Variants in RAD51AP2 observed in about 807,000 individuals in gnomAD.
RAD51AP2 encodes RAD51-associated protein 2.
In RAD51AP2, 67 loss-of-function variants were observed where a neutral mutation model predicts 85.5. The observed-to-expected ratio is 0.78, with a 90% CI of 0.64 to 0.96. The LOEUF is 0.96. Among genes scored for constraint, RAD51AP2 ranks in the 40% least tolerant of loss-of-function variants. The probability of loss-of-function intolerance (pLI) is 0.00; values close to 1 mark genes in which losing one functional copy is unlikely to be tolerated. For missense variants in RAD51AP2, 1,307 were observed against 1,332.4 expected, an observed-to-expected ratio of 0.98 and a Z score of 0.30; for synonymous variants, 474 against 446.5, an observed-to-expected ratio of 1.06 and a Z score of -0.78.
chr2:17,522,264 C>G (rs1267907971), upstream of RAD51AP2, among the ~76,000 whole-genome samples: 1 of 151,974 alleles, frequency 6.6e-6, no homozygotes, highest in Non-Finnish European at 1.5e-5. Flanking sequence ...AACTTACTTT[C>G]CTGCAGCACT....
Position 17,515,587 on chromosome 2 carries a change from A to G in RAD51AP2, c.2829T>C (p.Phe943=). Residue 943 remains phenylalanine (F), a synonymous_variant, in exon 1 of 3, where the codon TTT becomes TTC. Coordinates refer to ENST00000399080, the MANE Select transcript of RAD51AP2 (RefSeq NM_001099218.3). ...ATAAATATTTAGCAGCTAAGTCCTG[A>G]AAACATTCATCATTCCCTTCACTCA... is the stretch of plus-strand genomic sequence containing the variant. ...TGLSEGNDEC[F]QDLAAKYLST... The G allele has an allele frequency of 6.2e-7, 1 of 1,610,122 alleles. No individual in the cohort carries two copies. Among genetic ancestry groups the G allele is most frequent in the Middle Eastern group, 1.7e-4 (1 of 6,046 alleles).
intron 1 of RAD51AP2, among the ~76,000 whole-genome samples, chr2:17,514,831 G>A (rs565354748): frequency 6.6e-6 from 1 of 151,926 alleles, no homozygotes; most frequent in Admixed American, 6.5e-5. Flanking sequence ...CGAGAGCAAA[G>A]GCAGTCTGAG....
chr2:17,525,235 G>A, the RAD51AP2 span, among the ~76,000 whole-genome samples: 3 of 151,940 alleles, frequency 2.0e-5, no homozygotes, highest in Admixed American at 2.0e-4. Flanking sequence ...TGTATCCCAG[G>A]ATTTCTCTAA....
chr2:17,535,844 T>C, the RAD51AP2 span, among the ~76,000 whole-genome samples: 4 of 150,546 alleles, frequency 2.7e-5, no homozygotes, highest in African/African-American at 9.8e-5. Flanking sequence ...AATGTTTGGA[T>C]TTAAGAACAC....
At chr2:17,522,421 C>A (rs559757649), upstream of RAD51AP2, among the ~76,000 whole-genome samples, 3 of 152,078 alleles carry the variant, frequency 2.0e-5, no homozygotes, top group African/African-American at 7.2e-5. Context: ...TCTTTAGACC[C>A]CTACAGTTTT....
the RAD51AP2 span, among the ~76,000 whole-genome samples, chr2:17,524,490 C>T: frequency 3.0e-4 from 45 of 152,046 alleles, no homozygotes; most frequent in South Asian, 9.1e-3. Flanking sequence ...TGTCCAAAAG[C>T]TGAGTCTTAA....
the RAD51AP2 span, among the ~76,000 whole-genome samples, chr2:17,532,087 A>G: frequency 2.0e-5 from 3 of 152,184 alleles, no homozygotes; most frequent in African/African-American, 7.2e-5. Context: ...AACTCTTTCT[A>G]TTATCGCACT....
Position 17,515,976 on chromosome 2 carries a change from C to T in RAD51AP2, c.2440G>A (p.Val814Ile). 2 of 1,611,314 alleles carry T rather than the reference C, an allele frequency of 1.2e-6. No homozygotes were observed. The highest frequency in any genetic ancestry group is 1.7e-6 in the Non-Finnish European group (2 of 1,179,374). Residue 814 changes from valine to isoleucine, a missense_variant, in exon 1 of 3, where the codon GTA becomes ATA. Val to Ile is a conservative substitution (Grantham distance 29). Transcript: ENST00000399080. ...CTTAGCAAGTTCCAAAAATTTAGTA[C>T]TTGAGTTATAGAAGTGGTATGGGTC... The part of the protein sequence containing the change: ...EETHTTSITQ[V>I]LNFWNLLSEI...
In RAD51AP2 at chr2:17,514,027, A is replaced by G. The variant is rs928571294; in HGVS notation, c.3313T>C (p.Tyr1105His). Residue 1105 changes from tyrosine (Y) to histidine (H), a missense_variant, in exon 2 of 3, where the codon TAT becomes CAT. Physicochemically the swap from Tyr to His is moderately conservative, Grantham distance 83. Coordinates refer to ENST00000399080, the MANE Select transcript of RAD51AP2 (RefSeq NM_001099218.3). ...ACAATGTTACCTCCTCTCAATAAATAATTAAATTCTTCTTTACATTCATCA... is the reference window on the plus strand; with the variant it reads ...ACAATGTTACCTCCTCTCAATAAATGATTAAATTCTTCTTTACATTCATCA... ...LPDECKEEFN[Y>H]LLRGGSHFPH... 1.3e-6 allele frequency: 2 copies of G among 1,551,746 alleles called. No individual in the cohort carries two copies. The highest frequency in any genetic ancestry group is 2.7e-5 in the African/African-American group (2 of 73,444).
chr2:17,513,845 A>C (rs1413565888), intron 2 of RAD51AP2, among the ~76,000 whole-genome samples, 167 bp downstream of exon 2: 1 of 152,142 alleles, frequency 6.6e-6, no homozygotes, highest in African/African-American at 2.4e-5. Context: ...ACTGTTACCA[A>C]ATTTTTAATT....
Position 17,515,536 on chromosome 2 carries a change from T to C in RAD51AP2, c.2880A>G (p.Lys960=), listed in dbSNP as rs779062797. The C allele has an allele frequency of 2.1e-5, 33 of 1,609,094 alleles. 1 individual carries two copies. In the Middle Eastern group the frequency reaches 5.0e-4, roughly 24 times the overall value. ...CAAATTTTCTCTTCATCTCAAAATCTTTTACTATTGTCAGAGCTTCTGTTG... is the reference window on the plus strand; with the variant it reads ...CAAATTTTCTCTTCATCTCAAAATCCTTTACTATTGTCAGAGCTTCTGTTG... ...YLSTEALTIV[K]DFEMKRKFDL... Residue 960 remains lysine, a synonymous_variant, in exon 1 of 3, where the codon AAA becomes AAG. Transcript: ENST00000399080.
upstream of RAD51AP2, among the ~76,000 whole-genome samples, chr2:17,521,081 T>C (rs113715358): frequency 2.0e-4 from 31 of 152,218 alleles, no homozygotes; most frequent in African/African-American, 7.5e-4. Flanking sequence ...AGGACAAGGA[T>C]TTATTAATTT....
At chr2:17,519,363 GTTTA>G (rs138635451), upstream of RAD51AP2, among the ~76,000 whole-genome samples, 1,606 of 151,208 alleles carry the variant, frequency 0.011, 20 homozygotes, top group African/African-American at 0.035. Flanking sequence ...TTTTCAAAAT[GTTTA>G]TTATTATTAT....
the RAD51AP2 span, among the ~76,000 whole-genome samples, chr2:17,535,099 C>T: frequency 6.6e-6 from 1 of 152,142 alleles, no homozygotes; most frequent in Non-Finnish European, 1.5e-5. Flanking sequence ...ATCTTCAAAA[C>T]AATTCTGTAA....
the RAD51AP2 span, among the ~76,000 whole-genome samples, chr2:17,528,965 C>T: frequency 1.3e-5 from 2 of 152,134 alleles, no homozygotes; most frequent in African/African-American, 2.4e-5. Context: ...TACTAGTTGC[C>T]AAAAGATGGT....
the RAD51AP2 span, among the ~76,000 whole-genome samples, chr2:17,525,860 C>T: frequency 6.6e-6 from 1 of 152,006 alleles, no homozygotes; most frequent in Non-Finnish European, 1.5e-5. Context: ...GTTACAATGC[C>T]TTCTTCAAGA....
chr2:17,515,709 C>T lies in RAD51AP2; in HGVS notation c.2707G>A (p.Glu903Lys). 3 of 1,602,180 alleles carry T rather than the reference C, an allele frequency of 1.9e-6. No homozygotes were observed. The highest frequency in any genetic ancestry group is 2.6e-6 in the Non-Finnish European group (3 of 1,174,154). Residue 903 changes from glutamate to lysine, a missense_variant, in exon 1 of 3, where the codon GAG (glutamate) becomes AAG (lysine). Physicochemically the swap from Glu to Lys is moderately conservative, Grantham distance 56. Around this residue, in one of 3 missense-constraint regions of RAD51AP2, gnomAD observed 668 missense variants for 671.0 expected, o/e 1.00. Coordinates refer to ENST00000399080, the MANE Select transcript of RAD51AP2 (RefSeq NM_001099218.3). ...QNYVTNTNEYESILPEREIAN... is the reference protein window; with the variant it reads ...QNYVTNTNEYKSILPEREIAN... ...ATCTCCCTTTCTGGCAAAATACTCT[C>T]ATATTCATTTGTATTTGTTACATAA...
upstream of RAD51AP2, among the ~76,000 whole-genome samples, chr2:17,523,225 A>G (rs548947938): frequency 1.4e-4 from 22 of 152,066 alleles, no homozygotes; most frequent in South Asian, 4.6e-3. Flanking sequence ...AACATTTTTA[A>G]TTACAATAAT....
the RAD51AP2 span, among the ~76,000 whole-genome samples, chr2:17,535,448 C>T: frequency 3.9e-5 from 6 of 152,018 alleles, no homozygotes; most frequent in South Asian, 4.2e-4. Context: ...GGAAGTGACG[C>T]GATTTTACTT....
Sources: gnomAD v4.1 joint callset for allele counts (sites outside exome capture counted in the v4.1 genomes callset) on GRCh38, gnomAD v4.1.1 for gene constraint, gnomAD v4.1.1 regional missense constraint, MANE v1.5 for transcripts, NCBI Gene and HGNC (gene_info 2026-07-23, HGNC 2026-07-21) for gene names.